The following SEM1 variants were observed in gnomAD, a reference collection of about 807,000 sequenced individuals.
The protein encoded by SEM1 is SEM1 26S proteasome subunit.
Under a neutral mutation model 12.7 loss-of-function variants are expected in SEM1, and 3 were observed. The observed-to-expected ratio is 0.24, with a 90% CI of 0.11 to 0.61. SEM1 has a LOEUF of 0.61. Among genes scored for constraint, SEM1 ranks in the 20% least tolerant of loss-of-function variants. The pLI, the probability that SEM1 is intolerant of heterozygous loss-of-function variation, is 0.88. For missense variants in SEM1, 59 were observed against 81.3 expected, an observed-to-expected ratio of 0.73 and a Z score of 1.06; for synonymous variants, 30 against 27.8, an observed-to-expected ratio of 1.08 and a Z score of -0.25.
At chr7:96,493,245 C>A (rs745615422) in intron 1 of SEM1, among the ~76,000 whole-genome samples, 2 of 152,120 alleles carry the variant, frequency 1.3e-5, no homozygotes, top group African/African-American at 2.4e-5. Flanking sequence ...TGAGCCACCA[C>A]GCCTGGCCTA....
chr7:96,521,720 T>A (rs1804277681), intron 2 of SEM1, among the ~76,000 whole-genome samples: 1 of 152,098 alleles, frequency 6.6e-6, no homozygotes, highest in African/African-American at 2.4e-5. Context: ...TGGAGTCACA[T>A]GGAATGAGAA....
intron 2 of SEM1, among the ~76,000 whole-genome samples, chr7:96,534,548 A>G (rs989783529): frequency 1.3e-5 from 2 of 152,076 alleles, no homozygotes; most frequent in African/African-American, 4.8e-5. Context: ...TTCATTGGTA[A>G]TAGTTTCAGA....
intron 2 of SEM1, among the ~76,000 whole-genome samples, chr7:96,561,144 T>G (rs953832960): frequency 6.6e-6 from 1 of 152,184 alleles, no homozygotes; most frequent in Admixed American, 6.5e-5. Flanking sequence ...CTCTTACCAT[T>G]ACTCTTTTTT....
intron 2 of SEM1, among the ~76,000 whole-genome samples, chr7:96,666,782 T>C (rs1584848563): frequency 6.6e-6 from 1 of 152,014 alleles, no homozygotes; most frequent in Non-Finnish European, 1.5e-5. Flanking sequence ...CTCCTGCCTG[T>C]GTCCTAGAGA....
intron 2 of SEM1, among the ~76,000 whole-genome samples, chr7:96,561,759 G>C (rs1370948798): frequency 6.6e-6 from 1 of 152,248 alleles, no homozygotes; most frequent in African/African-American, 2.4e-5. Flanking sequence ...ATGCGTTATA[G>C]ATGGAGAGGT....
At chr7:96,587,319 A>T (rs1005680011) in intron 2 of SEM1, among the ~76,000 whole-genome samples, 1 of 152,142 alleles carries the variant, frequency 6.6e-6, no homozygotes, top group Admixed American at 6.5e-5. Flanking sequence ...ATTTCCATAG[A>T]TCTCAGAAAA....
chr7:96,503,777 G>A (rs1011751376), intron 3 of SEM1, among the ~76,000 whole-genome samples: 4 of 152,108 alleles, frequency 2.6e-5, no homozygotes, highest in South Asian at 2.1e-4. Context: ...GATTGCTGCC[G>A]TTACAGCTGC....
chr7:96,536,005 T>C (rs960724952), intron 2 of SEM1, among the ~76,000 whole-genome samples: 1 of 151,912 alleles, frequency 6.6e-6, no homozygotes, highest in Admixed American at 6.6e-5. Flanking sequence ...CAGATGGTAG[T>C]TCTGTTTTTA....
At chr7:96,519,506 G>C (rs1277389216) in intron 2 of SEM1, among the ~76,000 whole-genome samples, 1 of 152,000 alleles carries the variant, frequency 6.6e-6, no homozygotes, top group Non-Finnish European at 1.5e-5. Context: ...AGTGGGAGTG[G>C]GTGGGTTGAG....
chr7:96,506,107 A>G (rs913869929), intron 3 of SEM1, among the ~76,000 whole-genome samples: 4 of 152,126 alleles, frequency 2.6e-5, no homozygotes, highest in Non-Finnish European at 4.4e-5. Context: ...GAGCCTCTTT[A>G]TTTTGGTTCC....
At chr7:96,587,581 G>GA (rs1806681430) in intron 2 of SEM1, among the ~76,000 whole-genome samples, 1 of 151,944 alleles carries the variant, frequency 6.6e-6, no homozygotes, top group Non-Finnish European at 1.5e-5. Context: ...CCAGGTGACA[G>GA]ATCTGTTCTC....
chr7:96,692,622 G>A (rs573170572), intron 2 of SEM1, among the ~76,000 whole-genome samples: 12 of 151,938 alleles, frequency 7.9e-5, no homozygotes, highest in Non-Finnish European at 1.6e-4. Context: ...TCTGATCCTC[G>A]AAATAAACTG....
At position 96,486,345 on chromosome 7, in the gene SEM1, TC is replaced by T. The variant is rs763631674; in HGVS notation, c.84del (p.Arg29GlyfsTer5). 6.5e-7 allele frequency: 1 copy of T among 1,537,014 alleles called. No individual in the cohort carries two copies. The highest frequency in any genetic ancestry group is 1.2e-5 in the South Asian group (1 of 84,034). Reference sequence around the variant, plus strand: ...GCTGGGCTTCTTATGCTGGGTCTCCTCCCCCTTTTTATGCCATGCTTTCTTC... The same window carrying T: ...GCTGGGCTTCTTATGCTGGGTCTCCTCCCCTTTTTATGCCATGCTTTCTTC... On this transcript the variant is annotated frameshift_variant, in exon 2 of 4. Transcript: ENST00000356686. LOFTEE classifies it high-confidence loss of function.
chr7:96,537,027 A>G (rs1250893223), intron 2 of SEM1, among the ~76,000 whole-genome samples: 1 of 151,726 alleles, frequency 6.6e-6, no homozygotes. Context: ...TTAACTTAGA[A>G]TTTTATGTAA....
intron 2 of SEM1, among the ~76,000 whole-genome samples, chr7:96,612,443 G>T (rs1807568274): frequency 6.6e-6 from 1 of 152,104 alleles, no homozygotes; most frequent in South Asian, 2.1e-4. Context: ...AAGGGCATTT[G>T]CTGTGAATCT....
intron 2 of SEM1, among the ~76,000 whole-genome samples, chr7:96,522,918 T>C (rs893558202): frequency 7.0e-6 from 1 of 143,158 alleles, no homozygotes; most frequent in African/African-American, 2.6e-5. Context: ...AAAAGAGAGA[T>C]GTTGTTTAAA....
intron 2 of SEM1, among the ~76,000 whole-genome samples, chr7:96,636,358 TCATC>T (rs1808425550): frequency 6.6e-6 from 1 of 151,560 alleles, no homozygotes; most frequent in African/African-American, 2.4e-5. Flanking sequence ...GGTGACTGGG[TCATC>T]ATGAGCAACG....
chr7:96,593,252 G>A (rs950388184), intron 2 of SEM1, among the ~76,000 whole-genome samples: 7 of 152,096 alleles, frequency 4.6e-5, no homozygotes, highest in East Asian at 1.9e-4. Flanking sequence ...TTGATATTGC[G>A]TTCACAACAA....
intron 2 of SEM1, among the ~76,000 whole-genome samples, chr7:96,636,033 G>A (rs983663149): frequency 6.6e-6 from 1 of 151,886 alleles, no homozygotes; most frequent in African/African-American, 2.4e-5. Context: ...ATATACTCTT[G>A]TTTAATTAAA....
Sources: gnomAD v4.1 joint callset for allele counts (sites outside exome capture counted in the v4.1 genomes callset) on GRCh38, gnomAD v4.1.1 for gene constraint, MANE v1.5 for transcripts, NCBI Gene and HGNC (gene_info 2026-07-23, HGNC 2026-07-21) for gene names.